The following GRIP1 variants were observed in gnomAD, a reference collection of about 807,000 sequenced individuals.
GRIP1 encodes the protein glutamate receptor-interacting protein 1.
In GRIP1, 45 loss-of-function variants were observed where a neutral mutation model predicts 129.9. The ratio of observed to expected loss-of-function variants is 0.35; its 90% CI spans 0.27 to 0.44. The LOEUF (loss-of-function observed/expected upper bound fraction) is 0.44. GRIP1 is among the 20% of genes least tolerant of loss of function. The pLI is 1.00. For missense variants in GRIP1, 1,196 were observed against 1,396.8 expected, an observed-to-expected ratio of 0.86 and a Z score of 2.29; for synonymous variants, 530 against 520.8, an observed-to-expected ratio of 1.02 and a Z score of -0.24.
intron 23 of GRIP1, among the ~76,000 whole-genome samples, chr12:66,371,049 T>G (rs1335126017): frequency 6.6e-6 from 1 of 152,178 alleles, no homozygotes; most frequent in Non-Finnish European, 1.5e-5. Context: ...TGTATGACAT[T>G]TAGAAAATCC....
In GRIP1 at chr12:66,512,888, T is replaced by G. The variant is rs543206099; in HGVS notation, c.724+2731A>C. Among the ~76,000 whole-genome samples the G allele has an allele frequency of 3.3e-5, 5 of 152,272 alleles. No homozygotes were observed. The East Asian group carries it at 9.6e-4, about 29-fold the overall frequency. On this transcript the variant is annotated intron_variant, in intron 7 of 24. Transcript: ENST00000359742. ...TTTCTGGAAGACAATTGGAATTATG[T>G]ATGAAATATATTTAACACATTGTCT...
chr12:66,639,935 C>T (rs1475480193), intron 1 of GRIP1, among the ~76,000 whole-genome samples: 1 of 152,196 alleles, frequency 6.6e-6, no homozygotes, highest in African/African-American at 2.4e-5. Context: ...CATTCTCTAT[C>T]CATCCTGAAT....
chr12:66,927,611 C>T (rs935476142), intron 1 of GRIP1, among the ~76,000 whole-genome samples: 8 of 152,140 alleles, frequency 5.3e-5, no homozygotes, highest in Admixed American at 3.3e-4. Context: ...TTGGGTGCAG[C>T]CAGTAAGGAA....
chr12:67,019,446 G>A (rs1344291002), intron 1 of GRIP1, among the ~76,000 whole-genome samples: 1 of 152,202 alleles, frequency 6.6e-6, no homozygotes, highest in African/African-American at 2.4e-5. Context: ...CAATATGAAG[G>A]AAGGAAGGGC....
intron 7 of GRIP1, among the ~76,000 whole-genome samples, chr12:66,505,403 G>C (rs138091614): frequency 1.3e-5 from 2 of 152,278 alleles, no homozygotes; most frequent in African/African-American, 4.8e-5. Context: ...AACAACCTGC[G>C]TTAGCTTGGA....
At chr12:66,473,008 C>A (rs2059485163) in intron 7 of GRIP1, among the ~76,000 whole-genome samples, 1 of 152,110 alleles carries the variant, frequency 6.6e-6, no homozygotes, top group African/African-American at 2.4e-5. Context: ...GAGGCAGGAA[C>A]CAGGGAGCCA....
chr12:67,049,693 T>C (rs988935353), intron 1 of GRIP1, among the ~76,000 whole-genome samples: 1 of 150,012 alleles, frequency 6.7e-6, no homozygotes, highest in African/African-American at 2.5e-5. Context: ...CAAACCTGCA[T>C]GTTCTCCACA....
upstream of GRIP1, among the ~76,000 whole-genome samples, chr12:66,682,937 C>T (rs2034641059): frequency 6.6e-6 from 1 of 152,178 alleles, no homozygotes; most frequent in South Asian, 2.1e-4. Flanking sequence ...TTAACTATTA[C>T]ATTTCTTTTC....
At chr12:66,386,621 G>A (rs1034703200) in intron 19 of GRIP1, among the ~76,000 whole-genome samples, 6 of 151,984 alleles carry the variant, frequency 3.9e-5, no homozygotes, top group Non-Finnish European at 8.8e-5. Context: ...GTGACAGAGC[G>A]AGCCTCCGTC....
At chr12:66,524,470 T>C (rs2061148470) in intron 5 of GRIP1, among the ~76,000 whole-genome samples, 1 of 152,066 alleles carries the variant, frequency 6.6e-6, no homozygotes. Context: ...AAGATGTTCT[T>C]TGAAACCAAT....
chr12:66,564,797 T>C (rs1053401424), intron 2 of GRIP1, among the ~76,000 whole-genome samples: 9 of 152,178 alleles, frequency 5.9e-5, no homozygotes, highest in Non-Finnish European at 1.3e-4. Context: ...TGTTGTTTCC[T>C]GACTTTTTAA....
At chr12:66,915,111 A>G (rs536101868) in intron 1 of GRIP1, among the ~76,000 whole-genome samples, 14 of 152,354 alleles carry the variant, frequency 9.2e-5, no homozygotes, top group Non-Finnish European at 1.6e-4. Flanking sequence ...GCAGACAAAT[A>G]AAGTCCACAT....
intron 2 of GRIP1, among the ~76,000 whole-genome samples, chr12:66,565,221 T>C (rs891761149): frequency 5.9e-5 from 9 of 152,216 alleles, no homozygotes; most frequent in Non-Finnish European, 1.2e-4. Context: ...TGAATGGTAT[T>C]GCCTAGGTTT....
chr12:66,721,964 G>T (rs779098817), intron 1 of GRIP1, among the ~76,000 whole-genome samples: 1 of 152,142 alleles, frequency 6.6e-6, no homozygotes, highest in Non-Finnish European at 1.5e-5. Flanking sequence ...AATGGAAGAG[G>T]GTTAGGGCAT....
intron 19 of GRIP1, among the ~76,000 whole-genome samples, chr12:66,390,460 A>C (rs1193104643): frequency 2.0e-5 from 3 of 152,196 alleles, no homozygotes; most frequent in African/African-American, 4.8e-5. Context: ...TATAAATGCA[A>C]AATGTAATAT....
intron 1 of GRIP1, among the ~76,000 whole-genome samples, chr12:66,621,350 T>C (rs1039024900): frequency 1.3e-5 from 2 of 152,198 alleles, no homozygotes; most frequent in African/African-American, 4.8e-5. Flanking sequence ...CATAGGGCAG[T>C]GACATAATGT....
At position 66,863,319 on chromosome 12, in the gene GRIP1, A is replaced by G. The variant is rs562431532; in HGVS notation, c.58+205731T>C. Among the ~76,000 whole-genome samples, 12 of 152,272 alleles carry G rather than the reference A, an allele frequency of 7.9e-5. 1 individual carries two copies. Among genetic ancestry groups the G allele is most frequent in the African/African-American group, 2.9e-4 (12 of 41,574 alleles). ...AGAATATAGAACATTGAAGATAAATAAGTTCCTGTTCTTTTGAAGTTGATT... is the reference window on the plus strand; with the variant it reads ...AGAATATAGAACATTGAAGATAAATGAGTTCCTGTTCTTTTGAAGTTGATT... On this transcript the variant is annotated intron_variant, in intron 1 of 1. Coordinates refer to the GRIP1 transcript ENST00000643019.
chr12:66,801,337 A>G (rs2038853397), intron 1 of GRIP1, among the ~76,000 whole-genome samples: 1 of 152,148 alleles, frequency 6.6e-6, no homozygotes, highest in Non-Finnish European at 1.5e-5. Flanking sequence ...GTACATTGAC[A>G]TACATCAAGT....
chr12:66,615,815 T>G (rs1371924227), intron 1 of GRIP1, among the ~76,000 whole-genome samples: 1 of 152,076 alleles, frequency 6.6e-6, no homozygotes, highest in East Asian at 1.9e-4. Context: ...CAGCTAATTT[T>G]TGTATTTTTA....
Sources: allele counts gnomAD v4.1 joint callset (sites outside exome capture counted in the v4.1 genomes callset), GRCh38; gene constraint gnomAD v4.1.1; transcripts MANE v1.5; gene names NCBI Gene and HGNC (gene_info 2026-07-23, HGNC 2026-07-21).